EML1: variants seen among roughly 807,000 people sequenced by gnomAD.
The protein encoded by EML1 is echinoderm microtubule-associated protein-like 1.
EML1 carries 27 observed loss-of-function variants against 110.4 expected under a neutral mutation model. That is an observed-to-expected ratio of 0.24 (90% CI 0.18 to 0.34). The LOEUF is 0.34. Among genes scored for constraint, EML1 ranks in the 10% least tolerant of loss-of-function variants. The pLI is 1.00. For missense variants in EML1, 741 were observed against 1,030.9 expected (o/e 0.72, Z 3.85); for synonymous variants, 344 against 385.8 (o/e 0.89, Z 1.27).
chr14:99,770,078 C>T (rs2057407224), upstream of EML1, among the ~76,000 whole-genome samples: 1 of 152,182 alleles, frequency 6.6e-6, no homozygotes, highest in Non-Finnish European at 1.5e-5. Context: ...TGTACCATTC[C>T]CCCCCATTTC....
At chr14:99,791,800 C>G (rs766397884), upstream of EML1, among the ~76,000 whole-genome samples, 1 of 152,218 alleles carries the variant, frequency 6.6e-6, no homozygotes, top group African/African-American at 2.4e-5. Context: ...CCATCTCCCC[C>G]CAAGTCTGGT....
Position 99,810,192 on chromosome 14 carries a change from G to C in EML1, c.67+16649G>C, listed in dbSNP as rs148227809. Among the ~76,000 whole-genome samples the C allele has an allele frequency of 2.7e-4, 41 of 152,320 alleles. No individual in the cohort carries two copies. The East Asian group carries it at 4.4e-3, about 16-fold the overall frequency. On this transcript the variant is annotated intron_variant, in intron 1 of 21. Coordinates refer to ENST00000262233, the MANE Select transcript of EML1 (RefSeq NM_004434.3). ...CATTCACCTGTCACCGTGTCCTTCA[G>C]AACCAGCCAGATGCTACAGAGCCAG...
intron 15 of EML1, among the ~76,000 whole-genome samples, chr14:99,916,862 C>A (rs913623412): frequency 6.6e-6 from 1 of 152,242 alleles, no homozygotes; most frequent in South Asian, 2.1e-4. Flanking sequence ...TACCGCGAAG[C>A]CTTGGCCCAG....
intron 16 of EML1, among the ~76,000 whole-genome samples, chr14:99,918,694 T>C (rs994997144): frequency 2.0e-5 from 3 of 152,042 alleles, no homozygotes; most frequent in Non-Finnish European, 4.4e-5. Flanking sequence ...GGTCCACATC[T>C]GTATTAGCTA....
At chr14:99,834,276 G>A (rs897186989) in intron 1 of EML1, among the ~76,000 whole-genome samples, 4 of 150,480 alleles carry the variant, frequency 2.7e-5, no homozygotes, top group African/African-American at 4.9e-5. Flanking sequence ...TTTTATATAA[G>A]ACTTTCATTT....
At chr14:99,914,820 T>C in intron 15 of EML1, 123 bp downstream of exon 15, 1 of 1,318,062 alleles carries the variant, frequency 7.6e-7, no homozygotes, top group Non-Finnish European at 1.0e-6. Flanking sequence ...ATTTATCTAT[T>C]TAGAGTTGCC....
In EML1 at chr14:99,738,334, G is replaced by A. The variant is rs368460654; in HGVS notation, c.28+474G>A. Among the ~76,000 whole-genome samples, 15 of 152,354 alleles carry A rather than the reference G, an allele frequency of 9.8e-5. 1 individual carries two copies. The highest frequency in any genetic ancestry group is 3.6e-4 in the African/African-American group (15 of 41,590). On this transcript the variant is annotated intron_variant, in intron 1 of 10. Transcript: ENST00000554479. ...TCCGGCAGCACCAGGCAGGCCCTCT[G>A]TGTGCCCTCATATCCTCTAGGTTGA...
chr14:99,919,871 C>T (rs962293887), intron 16 of EML1, among the ~76,000 whole-genome samples: 1 of 152,098 alleles, frequency 6.6e-6, no homozygotes, highest in African/African-American at 2.4e-5. Flanking sequence ...CAGTGCCTGG[C>T]TAGGGGGGCT....
intron 4 of EML1, 117 bp downstream of exon 4, chr14:99,878,736 G>GGTCTTCTTCTCC: frequency 3.5e-6 from 5 of 1,415,734 alleles, no homozygotes; most frequent in Non-Finnish European, 3.8e-6. Context: ...TCTTGGAGAA[G>GGTCTTCTTCTCC]AAGACCTTCT....
rs761477897 is a variant in EML1 at position 99,900,968 on chromosome 14, T to C, written c.937T>C (p.Leu313=). 18 of 1,614,186 alleles carry C rather than the reference T, an allele frequency of 1.1e-5. No individual in the cohort carries two copies. The highest frequency in any genetic ancestry group is 3.3e-4 in the Middle Eastern group (2 of 6,062). Residue 313 remains leucine, a synonymous_variant, in exon 9 of 22, where the codon TTG becomes CTG. Coordinates refer to ENST00000262233, the MANE Select transcript of EML1 (RefSeq NM_004434.3). ...TGTGCGCATCTGGGATTCTGTGACA[T>C]TGAATACTCTCCACGTCATTGGAAT... is the stretch of plus-strand genomic sequence containing the variant. ...PHVRIWDSVT[L]NTLHVIGIGF... is the part of the protein sequence containing the mutation.
At position 99,837,200 on chromosome 14, in the gene EML1, G is replaced by A. The variant is rs572760178; in HGVS notation, c.68-13653G>A. On this transcript the variant is annotated intron_variant, in intron 1 of 21. Coordinates refer to ENST00000262233, the MANE Select transcript of EML1 (RefSeq NM_004434.3). ...TCTTGGCTGCCCTGGACTTACAGCC[G>A]TGTGTCTCAGCAACTTAGGGAGACT... Among the ~76,000 whole-genome samples the A allele has an allele frequency of 5.9e-5, 9 of 152,176 alleles. No individual in the cohort carries two copies. The South Asian group carries it at 1.5e-3, about 25-fold the overall frequency.
chr14:99,751,566 A>G (rs2057175638), intron 1 of EML1, among the ~76,000 whole-genome samples: 1 of 152,164 alleles, frequency 6.6e-6, no homozygotes, highest in Non-Finnish European at 1.5e-5. Context: ...GAGGGTGCTA[A>G]GGATGGGGTA....
chr14:99,867,042 T>C (rs954356899), intron 3 of EML1, among the ~76,000 whole-genome samples: 1 of 152,158 alleles, frequency 6.6e-6, no homozygotes, highest in Non-Finnish European at 1.5e-5. Context: ...ATAGTGAAGA[T>C]AGTACCAAAT....
At chr14:99,753,465 A>G (rs541856617) in intron 1 of EML1, among the ~76,000 whole-genome samples, 1 of 151,752 alleles carries the variant, frequency 6.6e-6, no homozygotes, top group South Asian at 2.1e-4. Context: ...CACACTGCTC[A>G]GTGTTTCTCA....
chr14:99,780,629 G>A (rs947061756), intron 1 of EML1, among the ~76,000 whole-genome samples: 1 of 152,108 alleles, frequency 6.6e-6, no homozygotes, highest in East Asian at 1.9e-4. Context: ...TAAGCATCAC[G>A]TGCCGCATCA....
intron 17 of EML1, among the ~76,000 whole-genome samples, chr14:99,922,180 A>G (rs1006534603): frequency 6.6e-6 from 1 of 150,772 alleles, no homozygotes; most frequent in Non-Finnish European, 1.5e-5. Context: ...TTTTTTTGAG[A>G]CAGAGCCTCA....
rs371488076 is a variant in EML1, at chr14:99,758,112, G to A, written c.28+20252G>A. The stretch of plus-strand genomic sequence containing the variant: ...CATTATTTTCTGGACCATAGAGAAA[G>A]AAAAGAACACTGACACTGAAATCCT... On this transcript the variant is annotated intron_variant, in intron 1 of 10. Transcript: ENST00000554479. Among the ~76,000 whole-genome samples, 41 of 152,342 alleles carry A rather than the reference G, an allele frequency of 2.7e-4. No individual in the cohort carries two copies. The East Asian group carries it at 7.1e-3, about 26-fold the overall frequency.
rs118086268 is a variant in EML1, at chr14:99,765,522, C to G, written c.28+27662C>G. Among the ~76,000 whole-genome samples the G allele has an allele frequency of 2.7e-3, 404 of 152,242 alleles. 4 individuals are homozygous for G. Among genetic ancestry groups the G allele is most frequent in the Admixed American group, 0.017 (265 of 15,294 alleles). On this transcript the variant is annotated intron_variant, in intron 1 of 10. Transcript: ENST00000554479. ...TTATTTCATTTATATATCCTCAAGT[C>G]AAGGTTCCTCCGTGTTGTAACGTGT... is the stretch of plus-strand genomic sequence containing the variant.
At chr14:99,922,663 C>T (rs1239400956) in intron 17 of EML1, among the ~76,000 whole-genome samples, 5 of 152,048 alleles carry the variant, frequency 3.3e-5, no homozygotes, top group Admixed American at 3.3e-4. Flanking sequence ...TGTTATTGTC[C>T]TTTTGATTAT....
Sources: gnomAD v4.1 joint callset for allele counts (sites outside exome capture counted in the v4.1 genomes callset) on GRCh38, gnomAD v4.1.1 for gene constraint, MANE v1.5 for transcripts, NCBI Gene and HGNC (gene_info 2026-07-23, HGNC 2026-07-21) for gene names.